Variants in AMPD1 observed in about 807,000 individuals in gnomAD.
AMPD1 encodes AMP deaminase 1.
Under a neutral mutation model 82.9 loss-of-function variants are expected in AMPD1, and 74 were observed. The observed-to-expected ratio is 0.89, with a 90% confidence interval of 0.74 to 1.08. The LOEUF (loss-of-function observed/expected upper bound fraction) is 1.08. AMPD1 is among the 50% of genes least tolerant of loss of function. The pLI is 0.00. For synonymous variants in AMPD1, 333 were observed against 320.5 expected, an observed-to-expected ratio of 1.04 and a Z score of -0.42; for missense variants, 881 against 924.5, an observed-to-expected ratio of 0.95 and a Z score of 0.61.
chr1:114,679,904 A>G (rs1330458212), intron 6 of AMPD1, among the ~76,000 whole-genome samples, 196 bp from the exon 7 acceptor site: 1 of 152,226 alleles, frequency 6.6e-6, no homozygotes, highest in Admixed American at 6.5e-5. Context: ...TGTTGGACAT[A>G]AGAATGAGGG....
intron 1 of AMPD1, 55 bp downstream of exon 1, chr1:114,695,395 C>A (rs1054544179): frequency 2.1e-5 from 31 of 1,450,562 alleles, no homozygotes; most frequent in African/African-American, 1.1e-4. Flanking sequence ...AGTTGCTTGT[C>A]AAAAAAAAAA....
Position 114,680,462 on chromosome 1 carries a change from C to T in AMPD1, c.564G>A (p.Val188=). ...TTCGGAAGGGGTCCTCTCCCTTCTTCACAGGAGGAGTAAAGACTTTTTCAA... is the reference window on the plus strand; with the variant it reads ...TTCGGAAGGGGTCCTCTCCCTTCTTTACAGGAGGAGTAAAGACTTTTTCAA... The part of the protein sequence containing the change: ...ESFYPVFTPP[V]KKGEDPFRTD... The change falls in exon 6 of 16, where the codon GTG becomes GTA. Residue 188 remains valine (V), a synonymous_variant. Coordinates refer to ENST00000520113, the MANE Select transcript of AMPD1 (RefSeq NM_000036.3). The T allele has an allele frequency of 2.5e-6, 4 of 1,614,030 alleles. No homozygotes were observed. The highest frequency in any genetic ancestry group is 3.4e-6 in the Non-Finnish European group (4 of 1,179,970).
In AMPD1 at chr1:114,673,635, C is replaced by G. The variant is rs777036088; in HGVS notation, c.2085+4G>C. On this transcript the variant is annotated splice_donor_region_variant and intron_variant, in intron 15 of 15. Coordinates refer to ENST00000520113, the MANE Select transcript of AMPD1 (RefSeq NM_000036.3). ...GAAGGGAAGCCATTTGAAGACAGGTCTACCTCATGAGAAATTCCACACTGC... is the reference window on the plus strand; with the variant it reads ...GAAGGGAAGCCATTTGAAGACAGGTGTACCTCATGAGAAATTCCACACTGC... 3 of 1,609,896 alleles carry G rather than the reference C, an allele frequency of 1.9e-6. No individual in the cohort carries two copies.
At chr1:114,679,439 C>A in intron 7 of AMPD1, 140 bp downstream of exon 7, 1 of 1,234,408 alleles carries the variant, frequency 8.1e-7, no homozygotes, top group Non-Finnish European at 1.2e-6. Flanking sequence ...TGGACATAAT[C>A]TATTATCTGT....
chr1:114,694,653 G>A (rs1310147415), intron 1 of AMPD1, among the ~76,000 whole-genome samples: 1 of 152,022 alleles, frequency 6.6e-6, no homozygotes, highest in Non-Finnish European at 1.5e-5. Context: ...AGATGAGCCT[G>A]GGCAACATAG....
intron 9 of AMPD1, 23 bp from the exon 10 acceptor site, chr1:114,677,537 C>T: frequency 1.2e-6 from 2 of 1,613,586 alleles, no homozygotes; most frequent in Non-Finnish European, 1.7e-6. Flanking sequence ...GAGAGAAGTC[C>T]AAGCCAGGGA....
At chr1:114,673,470 C>A (rs536006329) in intron 15 of AMPD1, among the ~76,000 whole-genome samples, 169 bp downstream of exon 15, 1 of 152,142 alleles carries the variant, frequency 6.6e-6, no homozygotes, top group African/African-American at 2.4e-5. Flanking sequence ...ACTTCCCTGG[C>A]CCAAAAGGCA....
chr1:114,695,008 T>C (rs1057142171), intron 1 of AMPD1, among the ~76,000 whole-genome samples: 3 of 152,190 alleles, frequency 2.0e-5, no homozygotes, highest in Non-Finnish European at 4.4e-5. Flanking sequence ...ATTTTAAAAA[T>C]TACTCTGCGT....
chr1:114,693,452 A>T lies in AMPD1; in HGVS notation c.23-5T>A, dbSNP rs1658580888. On this transcript the variant is annotated splice_region_variant and splice_polypyrimidine_tract_variant and intron_variant, in intron 1 of 15. Transcript: ENST00000520113. ...AATACTCACGTTTCTCTTCAGCTGT[A>T]TGAAGTAAAATAAAACAAGATAAAA... 1 of 1,608,570 alleles carries T rather than the reference A, an allele frequency of 6.2e-7. No individual in the cohort carries two copies. Among genetic ancestry groups the T allele is most frequent in the Non-Finnish European group, 8.5e-7 (1 of 1,175,284 alleles).
intron 15 of AMPD1, among the ~76,000 whole-genome samples, 156 bp from the exon 16 acceptor site, chr1:114,673,428 T>C (rs911574963): frequency 2.6e-5 from 4 of 152,206 alleles, no homozygotes; most frequent in African/African-American, 9.7e-5. Context: ...TGCCTCAGTG[T>C]TCACAGTCTG....
rs114473838 is a variant in AMPD1 at position 114,686,437 on chromosome 1, C to A, written c.381+308G>T. On this transcript the variant is annotated intron_variant, in intron 4 of 15. Transcript: ENST00000520113. ...TGACAACATCAGTGAGACTTGACCA[C>A]TCTACTGCTCTCTTTGGTCCTTTTT... Among the ~76,000 whole-genome samples the A allele has an allele frequency of 4.0e-3, 612 of 152,218 alleles. 3 individuals are homozygous for A. The highest frequency in any genetic ancestry group is 0.014 in the African/African-American group (587 of 41,522).
At chr1:114,681,619 G>C (rs539989291) in intron 5 of AMPD1, among the ~76,000 whole-genome samples, 2 of 147,744 alleles carry the variant, frequency 1.4e-5, no homozygotes, top group African/African-American at 5.0e-5. Context: ...AAGAGAAAAA[G>C]AAAAAGAAAA....
chr1:114,674,117 T>C (rs907330427), intron 13 of AMPD1, 35 bp from the exon 14 acceptor site: 13 of 1,585,840 alleles, frequency 8.2e-6, no homozygotes, highest in African/African-American at 2.7e-5. Flanking sequence ...TTTAAAGATG[T>C]TGAAAAAGGA....
chr1:114,678,535 T>C lies in AMPD1; in HGVS notation c.898-8A>G. On this transcript the variant is annotated splice_polypyrimidine_tract_variant and splice_region_variant and intron_variant, in intron 7 of 15. Coordinates refer to ENST00000520113, the MANE Select transcript of AMPD1 (RefSeq NM_000036.3). ...ATGGATATGGGTGTCCACCTGTATG[T>C]ATATTCAAAGAAAGAAAAAAACATC... is the stretch of plus-strand genomic sequence containing the variant. The C allele has an allele frequency of 6.2e-7, 1 of 1,612,332 alleles. No individual in the cohort carries two copies. Among genetic ancestry groups the C allele is most frequent in the South Asian group, 1.1e-5 (1 of 91,050 alleles).
At chr1:114,676,873 G>A (rs776681504) in intron 10 of AMPD1, among the ~76,000 whole-genome samples, 70 of 152,252 alleles carry the variant, frequency 4.6e-4, no homozygotes, top group Admixed American at 1.1e-3. Context: ...GTATGAAAGG[G>A]AGATGATGTC....
rs1300493616 is a variant in AMPD1 at position 114,686,853 on chromosome 1, T to C, written c.273A>G (p.Thr91=). 6.2e-7 allele frequency: 1 copy of C among 1,614,094 alleles called. No individual in the cohort carries two copies. The highest frequency in any genetic ancestry group is 8.5e-7 in the Non-Finnish European group (1 of 1,180,036). The part of the protein sequence containing the change: ...TVNLSIPLSE[T]SSTKLSHIDE... ...CAATGTGGGACAGTTTGGTGGAAGATGTTTCACTTAGTGGAATGGACAAAT... is the reference window on the plus strand; with the variant it reads ...CAATGTGGGACAGTTTGGTGGAAGACGTTTCACTTAGTGGAATGGACAAAT... Residue 91 remains threonine (T), a synonymous_variant, in exon 4 of 16, where the codon ACA becomes ACG. Transcript: ENST00000520113.
chr1:114,695,067 A>G (rs2101729713), intron 1 of AMPD1, among the ~76,000 whole-genome samples: 1 of 152,288 alleles, frequency 6.6e-6, no homozygotes, highest in South Asian at 2.1e-4. Flanking sequence ...CAGAATACAC[A>G]CATGGGTTAT....
chr1:114,686,861 T>A lies in AMPD1; in HGVS notation c.265A>T (p.Ser89Cys). ...GACAGTTTGGTGGAAGATGTTTCAC[T>A]TAGTGGAATGGACAAATTAACAGTC... Reference protein sequence around the residue: ...RKTVNLSIPLSETSSTKLSHI... With the variant: ...RKTVNLSIPLCETSSTKLSHI... Residue 89 changes from serine to cysteine, a missense_variant, in exon 4 of 16, where the codon AGT becomes TGT. This residue lies in a region of AMPD1 where 783 missense variants were observed against 786.4 expected (regional missense o/e 1.00). Coordinates refer to ENST00000520113, the MANE Select transcript of AMPD1 (RefSeq NM_000036.3). 1 of 1,614,222 alleles carries A rather than the reference T, an allele frequency of 6.2e-7. No individual in the cohort carries two copies. Among genetic ancestry groups the A allele is most frequent in the Non-Finnish European group, 8.5e-7 (1 of 1,180,024 alleles).
intron 1 of AMPD1, 26 bp downstream of exon 1, chr1:114,695,424 G>C (rs1358502915): frequency 6.2e-7 from 1 of 1,611,818 alleles, no homozygotes; most frequent in Non-Finnish European, 8.5e-7. Context: ...CAACAACTGA[G>C]CTCTCCAAAC....
Sources: allele counts gnomAD v4.1 joint callset (sites outside exome capture counted in the v4.1 genomes callset), GRCh38; gene constraint gnomAD v4.1.1; regional missense constraint gnomAD v4.1.1; transcripts MANE v1.5; gene names NCBI Gene and HGNC (gene_info 2026-07-23, HGNC 2026-07-21).